The following DGKB variants were observed in gnomAD, a reference collection of about 807,000 sequenced individuals.
The protein encoded by DGKB is 90 kDa diacylglycerol kinase.
A neutral mutation model predicts 114.3 loss-of-function variants in DGKB; 67 were observed. The observed-to-expected ratio is 0.59, with a 90% CI of 0.48 to 0.72. The LOEUF is 0.72. DGKB is among the 30% of genes least tolerant of loss of function. DGKB has a pLI of 0.00. For missense variants in DGKB, 907 were observed against 975.2 expected, an observed-to-expected ratio of 0.93 and a Z score of 0.93; for synonymous variants, 398 against 323.1, an observed-to-expected ratio of 1.23 and a Z score of -2.49.
At chr7:14,660,122 G>A (rs1191592236) in intron 13 of DGKB, among the ~76,000 whole-genome samples, 2 of 151,326 alleles carry the variant, frequency 1.3e-5, no homozygotes, top group Non-Finnish European at 2.9e-5. Flanking sequence ...ATGTGCTGCT[G>A]GATTTGTTTT....
Position 14,176,503 on chromosome 7 carries a change from C to G in DGKB, c.2304+336G>C, listed in dbSNP as rs1226024895. 6 of 1,016,860 alleles carry G rather than the reference C, an allele frequency of 5.9e-6. No homozygotes were observed. In the South Asian group the frequency reaches 2.8e-4, roughly 47 times the overall value. 63.0% of individuals were successfully genotyped at this position (1,016,860 alleles called of 1,614,324 possible). ...TTGCAAATAATATTCTAATAATGTG[C>G]TCTGAAATAAACAAAAAAGTTTCAG... On this transcript the variant is annotated intron_variant, in intron 25 of 25. Transcript: ENST00000402815.
chr7:14,408,482 T>C (rs1824317644), intron 21 of DGKB, among the ~76,000 whole-genome samples: 1 of 152,146 alleles, frequency 6.6e-6, no homozygotes, highest in Non-Finnish European at 1.5e-5. Context: ...TAATGCTACC[T>C]GATTGTAGGC....
intron 15 of DGKB, among the ~76,000 whole-genome samples, chr7:14,619,691 T>C (rs984517515): frequency 1.3e-5 from 2 of 151,784 alleles, no homozygotes; most frequent in East Asian, 3.9e-4. Context: ...TCTAGTCAGA[T>C]GGTCTTCATT....
At chr7:14,701,206 T>G (rs904921196) in intron 7 of DGKB, among the ~76,000 whole-genome samples, 1 of 152,162 alleles carries the variant, frequency 6.6e-6, no homozygotes, top group African/African-American at 2.4e-5. Context: ...TGTAAATACA[T>G]TTACCTATTT....
intron 21 of DGKB, among the ~76,000 whole-genome samples, chr7:14,371,503 TTAAA>T (rs775543465): frequency 7.2e-5 from 11 of 152,092 alleles, no homozygotes; most frequent in African/African-American, 2.2e-4. Context: ...CTTTTGCTTG[TTAAA>T]TAGTTTTGTT....
rs73070778 is a variant in DGKB at position 14,812,051 on chromosome 7, C to T, written c.70+29143G>A. Among the ~76,000 whole-genome samples the T allele has an allele frequency of 1.6e-3, 237 of 152,164 alleles. 1 individual carries two copies. In the Middle Eastern group the frequency reaches 0.02, roughly 13 times the overall value. On this transcript the variant is annotated intron_variant, in intron 2 of 25. Coordinates refer to ENST00000402815, the MANE Select transcript of DGKB (RefSeq NM_001350709.2). ...ATGTGGAATCATACATTTGTATTTT[C>T]GAGAACTGGCTTGTTTCACTTAGCA...
At chr7:14,803,336 C>G (rs1842415877) in intron 2 of DGKB, among the ~76,000 whole-genome samples, 1 of 152,104 alleles carries the variant, frequency 6.6e-6, no homozygotes, top group Admixed American at 6.6e-5. Flanking sequence ...ATAAAACCCT[C>G]TTTTTCCTTA....
intron 1 of DGKB, among the ~76,000 whole-genome samples, chr7:14,909,814 T>G (rs1194369588): frequency 2.0e-5 from 3 of 152,188 alleles, no homozygotes; most frequent in Non-Finnish European, 2.9e-5. Flanking sequence ...ATGTGTACTT[T>G]TACATCAATA....
At chr7:14,584,041 CAT>C (rs1393323601) in intron 17 of DGKB, among the ~76,000 whole-genome samples, 28 of 152,264 alleles carry the variant, frequency 1.8e-4, no homozygotes, top group Non-Finnish European at 2.9e-4. Context: ...TTATTACACA[CAT>C]ATTTTCAACA....
chr7:14,357,382 G>A (rs1486115543), intron 21 of DGKB, among the ~76,000 whole-genome samples: 1 of 152,018 alleles, frequency 6.6e-6, no homozygotes, highest in Non-Finnish European at 1.5e-5. Flanking sequence ...ATCTTTGTTG[G>A]TTTAAAGTCT....
intron 13 of DGKB, among the ~76,000 whole-genome samples, chr7:14,669,790 C>T (rs142404414): frequency 6.6e-6 from 1 of 152,170 alleles, no homozygotes; most frequent in African/African-American, 2.4e-5. Flanking sequence ...ACTAAAGTGT[C>T]ACATAATCAA....
chr7:14,184,581 C>T (rs1292580958), intron 23 of DGKB, among the ~76,000 whole-genome samples: 1 of 151,986 alleles, frequency 6.6e-6, no homozygotes, highest in African/African-American at 2.4e-5. Context: ...AGTCCAGGGA[C>T]CTGCAAATCT....
chr7:14,801,823 G>A (rs1320903817), intron 2 of DGKB, among the ~76,000 whole-genome samples: 2 of 150,354 alleles, frequency 1.3e-5, no homozygotes, highest in Non-Finnish European at 3.0e-5. Context: ...CTCTCCCCCC[G>A]ATATATGTAT....
chr7:14,190,381 A>G (rs2128270415), intron 23 of DGKB, among the ~76,000 whole-genome samples: 1 of 152,310 alleles, frequency 6.6e-6, no homozygotes, highest in Non-Finnish European at 1.5e-5. Context: ...ATGGGACACA[A>G]TAAAACCAGT....
At chr7:14,577,948 A>G (rs114275443) in intron 19 of DGKB, among the ~76,000 whole-genome samples, 2,136 of 152,288 alleles carry the variant, frequency 0.014, 51 homozygotes, top group African/African-American at 0.049. Context: ...CTTAACACAA[A>G]CATTGATATG....
intron 23 of DGKB, among the ~76,000 whole-genome samples, chr7:14,334,362 A>ATGTG (rs750329719): frequency 0.024 from 3,427 of 144,746 alleles, 141 homozygotes; most frequent in African/African-American, 0.083. Flanking sequence ...GTATATACAT[A>ATGTG]TGTGTGTGTG....
chr7:14,919,092 AC>A (rs1784389599), intron 1 of DGKB, among the ~76,000 whole-genome samples: 35 of 129,114 alleles, frequency 2.7e-4, no homozygotes, highest in South Asian at 1.2e-3. Flanking sequence ...ACACACACAC[AC>A]AAACACACAC....
intron 25 of DGKB, among the ~76,000 whole-genome samples, chr7:14,174,634 A>G (rs113319854): frequency 5.9e-5 from 9 of 152,288 alleles, no homozygotes; most frequent in African/African-American, 2.2e-4. Flanking sequence ...ACTGTCTTGC[A>G]TCACAACCAC....
intron 25 of DGKB, among the ~76,000 whole-genome samples, chr7:14,174,012 T>G (rs548730346): frequency 6.6e-6 from 1 of 152,350 alleles, no homozygotes; most frequent in South Asian, 2.1e-4. Flanking sequence ...AAAGTGCTTG[T>G]GTTAAACAAG....
Sources: allele counts gnomAD v4.1 joint callset (sites outside exome capture counted in the v4.1 genomes callset), GRCh38; gene constraint gnomAD v4.1.1; transcripts MANE v1.5; gene names NCBI Gene and HGNC (gene_info 2026-07-23, HGNC 2026-07-21).